MSRB3: variants seen among roughly 807,000 people sequenced by gnomAD.
MSRB3 encodes the protein methionine-R-sulfoxide reductase B3.
A neutral mutation model predicts 21.0 loss-of-function variants in MSRB3; 13 were observed. The ratio of observed to expected loss-of-function variants is 0.62; its 90% confidence interval spans 0.40 to 0.98. The LOEUF (loss-of-function observed/expected upper bound fraction) is 0.98. Among genes scored for constraint, MSRB3 ranks in the 50% least tolerant of loss-of-function variants. The pLI, the probability that MSRB3 is intolerant of heterozygous loss-of-function variation, is 0.00. For missense variants in MSRB3, 199 were observed against 230.3 expected (o/e 0.86, Z 0.88); for synonymous variants, 87 against 88.6 (o/e 0.98, Z 0.10).
chr12:65,404,517 C>T (rs1880304540), intron 5 of MSRB3, among the ~76,000 whole-genome samples: 1 of 152,164 alleles, frequency 6.6e-6, no homozygotes, highest in Admixed American at 6.5e-5. Flanking sequence ...ACATTTCTTA[C>T]CTACATTTAT....
At chr12:65,335,939 T>G (rs1306502760) in intron 4 of MSRB3, among the ~76,000 whole-genome samples, 1 of 152,214 alleles carries the variant, frequency 6.6e-6, no homozygotes, top group Non-Finnish European at 1.5e-5. Flanking sequence ...AGCTTTCCAG[T>G]ATAAAGAAAC....
chr12:65,353,715 G>A (rs1877193302), intron 4 of MSRB3, among the ~76,000 whole-genome samples: 1 of 152,106 alleles, frequency 6.6e-6, no homozygotes, highest in African/African-American at 2.4e-5. Context: ...GGAGCATTTA[G>A]CCCATTTACA....
intron 2 of MSRB3, among the ~76,000 whole-genome samples, chr12:65,324,090 T>C (rs1874861838): frequency 6.6e-6 from 1 of 152,348 alleles, no homozygotes; most frequent in Non-Finnish European, 1.5e-5. Flanking sequence ...TCACTAGTAT[T>C]TCTTAAAGGA....
At chr12:65,409,165 C>CGT (rs1555210694) in intron 5 of MSRB3, among the ~76,000 whole-genome samples, 14 of 150,982 alleles carry the variant, frequency 9.3e-5, no homozygotes, top group South Asian at 4.2e-4. Context: ...TATCTATATA[C>CGT]GTGTGTGTGT....
intron 1 of MSRB3, chr12:65,306,783 T>A: frequency 1.1e-6 from 1 of 905,390 alleles, no homozygotes; most frequent in Middle Eastern, 5.7e-4. Flanking sequence ...CACAGTCATA[T>A]CATGCTGGAG....
chr12:65,368,423 C>T (rs1290446018), intron 4 of MSRB3, among the ~76,000 whole-genome samples: 1 of 152,134 alleles, frequency 6.6e-6, no homozygotes, highest in Non-Finnish European at 1.5e-5. Context: ...AGAGTAATTA[C>T]CTAACAGAAG....
rs371314128 is a variant in MSRB3, at chr12:65,463,313, G to A, written c.549G>A (p.Ala183=). The A allele has an allele frequency of 2.0e-5, 32 of 1,614,024 alleles. No homozygotes were observed. The highest frequency in any genetic ancestry group is 2.5e-5 in the Non-Finnish European group (29 of 1,180,034). Reference sequence around the variant, plus strand: ...CCAGCCCGGCCCAGGCAGACAAAGCGGAGCTCTAGAGTAATGGAGAGTGAT... The same window carrying A: ...CCAGCCCGGCCCAGGCAGACAAAGCAGAGCTCTAGAGTAATGGAGAGTGAT... ...GVASPAQADK[A]EL Residue 183 remains alanine (A), a synonymous_variant, in exon 7 of 7, where the codon GCG becomes GCA. Coordinates refer to ENST00000308259, the MANE Select transcript of MSRB3 (RefSeq NM_001031679.3).
At chr12:65,404,112 C>A (rs1880283283) in intron 5 of MSRB3, among the ~76,000 whole-genome samples, 2 of 152,330 alleles carry the variant, frequency 1.3e-5, no homozygotes, top group East Asian at 1.9e-4. Flanking sequence ...GTTGCCCAGA[C>A]TGAGGGCAGG....
intron 4 of MSRB3, among the ~76,000 whole-genome samples, chr12:65,337,262 A>G (rs758782385): frequency 6.8e-6 from 1 of 147,228 alleles, no homozygotes; most frequent in East Asian, 1.9e-4. Context: ...AAAAAACAAA[A>G]CAAAACAAAA....
chr12:65,452,565 G>A (rs937326255), intron 5 of MSRB3, among the ~76,000 whole-genome samples: 23 of 152,106 alleles, frequency 1.5e-4, no homozygotes, highest in Non-Finnish European at 3.2e-4. Context: ...CTGGTGCTTT[G>A]TAGCAATTTT....
At chr12:65,320,590 T>C (rs1433802009) in intron 2 of MSRB3, among the ~76,000 whole-genome samples, 1 of 152,126 alleles carries the variant, frequency 6.6e-6, no homozygotes, top group Non-Finnish European at 1.5e-5. Flanking sequence ...AGAATGATGA[T>C]CTGTAGTCTA....
intron 5 of MSRB3, among the ~76,000 whole-genome samples, chr12:65,369,423 C>T (rs202137886): frequency 6.6e-6 from 1 of 152,084 alleles, no homozygotes. Context: ...ATAGAGAGTT[C>T]AAGCCAATAG....
intron 1 of MSRB3, among the ~76,000 whole-genome samples, chr12:65,288,743 T>C (rs1872526006): frequency 6.6e-6 from 1 of 152,188 alleles, no homozygotes; most frequent in Non-Finnish European, 1.5e-5. Flanking sequence ...TATATTACCA[T>C]TGGAATTTGC....
At chr12:65,453,221 A>T (rs1882935589) in intron 5 of MSRB3, among the ~76,000 whole-genome samples, 1 of 152,188 alleles carries the variant, frequency 6.6e-6, no homozygotes, top group South Asian at 2.1e-4. Flanking sequence ...TTAGATGAGG[A>T]TGGTGACAAC....
chr12:65,454,397 T>C (rs1883000418), intron 6 of MSRB3: 2 of 152,274 alleles, frequency 1.3e-5, no homozygotes, highest in African/African-American at 2.4e-5. Flanking sequence ...TCATCTTCAA[T>C]TGGCTCAGTA....
chr12:65,358,364 C>T (rs1417642999), intron 4 of MSRB3, among the ~76,000 whole-genome samples: 4 of 151,836 alleles, frequency 2.6e-5, no homozygotes, highest in South Asian at 2.1e-4. Context: ...CAAGTCTTTT[C>T]TTTATTTAAT....
intron 5 of MSRB3, among the ~76,000 whole-genome samples, chr12:65,436,938 C>A (rs910355675): frequency 6.6e-6 from 1 of 151,856 alleles, no homozygotes; most frequent in Non-Finnish European, 1.5e-5. Context: ...AATCTCTAAA[C>A]CCCAGTTTCT....
intron 5 of MSRB3, among the ~76,000 whole-genome samples, chr12:65,395,366 C>T (rs568900703): frequency 2.2e-4 from 34 of 151,568 alleles, no homozygotes; most frequent in African/African-American, 7.7e-4. Flanking sequence ...CTCAGGAGGC[C>T]GAGGCAGAAG....
intron 4 of MSRB3, among the ~76,000 whole-genome samples, chr12:65,366,430 G>T (rs1878018831): frequency 6.6e-6 from 1 of 152,288 alleles, no homozygotes; most frequent in African/African-American, 2.4e-5. Context: ...GATTCAGGTG[G>T]AAAAGAGAAC....
Sources: allele counts gnomAD v4.1 joint callset (sites outside exome capture counted in the v4.1 genomes callset), GRCh38; gene constraint gnomAD v4.1.1; transcripts MANE v1.5; gene names NCBI Gene and HGNC (gene_info 2026-07-23, HGNC 2026-07-21).